The following CBARP variants were observed in gnomAD, a reference collection of about 807,000 sequenced individuals.
The protein encoded by CBARP is CACN subunit beta associated regulatory protein, also known as voltage-dependent calcium channel beta subunit-associated regulatory protein.
In CBARP, 24 loss-of-function variants were observed where a neutral mutation model predicts 36.3. The ratio of observed to expected loss-of-function variants is 0.66; its 90% CI spans 0.48 to 0.93. The LOEUF is 0.93. Among genes scored for constraint, CBARP ranks in the 40% least tolerant of loss-of-function variants. The pLI is 0.00. For missense variants in CBARP, 1,146 were observed against 980.4 expected, an observed-to-expected ratio of 1.17 and a Z score of -2.26; for synonymous variants, 586 against 453.2, an observed-to-expected ratio of 1.29 and a Z score of -3.72.
In CBARP at chr19:1,231,118, C is replaced by T. The variant is rs534213272; in HGVS notation, c.1137G>A (p.Pro379=). The change falls in exon 9 of 10, where the codon CCG becomes CCA. Residue 379 remains proline, a synonymous_variant. Transcript: ENST00000650044. ...AAAAATACCTGCCGAGAGCAGGGGG[C>T]GGGCTGGCCAGAAAGGGGCGGGGGT... ...FPHPRPFLAS[P]PPALGRLEAA... 4.4e-5 allele frequency: 70 copies of T among 1,595,836 alleles called. No homozygotes were observed. The South Asian group carries it at 6.9e-4, about 16-fold the overall frequency.
intron 8 of CBARP, among the ~76,000 whole-genome samples, chr19:1,232,983 G>C (rs2080913544): frequency 6.6e-6 from 1 of 152,354 alleles, no homozygotes; most frequent in South Asian, 2.1e-4. Flanking sequence ...CTGATGGTCT[G>C]CCAGCGGGCG....
At chr19:1,230,327 G>A (rs1296047808) in intron 9 of CBARP, 185 bp from the exon 10 acceptor site, 2 of 986,460 alleles carry the variant, frequency 2.0e-6, no homozygotes. Context: ...CATTGACCCT[G>A]AGCTGTGGCG....
chr19:1,236,223 G>A, intron 1 of CBARP, 102 bp from the exon 2 acceptor site: 1 of 1,328,320 alleles, frequency 7.5e-7, no homozygotes, highest in Non-Finnish European at 9.6e-7. Flanking sequence ...AGCCCACACA[G>A]GGGGCAGTGA....
At chr19:1,233,094 G>A (rs774481905) in intron 8 of CBARP, among the ~76,000 whole-genome samples, 1 of 152,196 alleles carries the variant, frequency 6.6e-6, no homozygotes, top group South Asian at 2.1e-4. Context: ...CACCCTCTGC[G>A]CTCCACAGTG....
Position 1,235,561 on chromosome 19 carries a change from T to C in CBARP, c.250A>G (p.Met84Val), listed in dbSNP as rs772935953. The C allele has an allele frequency of 2.5e-6, 4 of 1,607,846 alleles. No individual in the cohort carries two copies. Among genetic ancestry groups the C allele is most frequent in the Middle Eastern group, 1.6e-4 (1 of 6,064 alleles). The change falls in exon 4 of 10, where the codon ATG (methionine) becomes GTG (valine). Residue 84 changes from methionine (M) to valine (V), a missense_variant. Coordinates refer to ENST00000650044, the MANE Select transcript of CBARP (RefSeq NM_001393918.1). ...GTGGTGGTCTTCTCCGCTTCCTCCATGGCCCTGGGAGAGACGTTGGGAGAG... is the reference window on the plus strand; with the variant it reads ...GTGGTGGTCTTCTCCGCTTCCTCCACGGCCCTGGGAGAGACGTTGGGAGAG... ...WDVHQRLNRA[M>V]EEAEKTTTTY...
intron 3 of CBARP, 58 bp downstream of exon 3, chr19:1,235,721 C>CA (rs2080960100): frequency 1.2e-6 from 2 of 1,603,974 alleles, no homozygotes; most frequent in Non-Finnish European, 1.7e-6. Flanking sequence ...GACCCCCCAC[C>CA]ACCCGATGGC....
At chr19:1,232,914 G>C (rs1438814989) in intron 8 of CBARP, among the ~76,000 whole-genome samples, 2 of 152,226 alleles carry the variant, frequency 1.3e-5, no homozygotes, top group Non-Finnish European at 2.9e-5. Context: ...CACTTACTTC[G>C]TGTTAGAGGA....
At position 1,229,755 on chromosome 19, in the gene CBARP, G is replaced by C; in HGVS notation, c.1542C>G (p.Gly514=). 1 of 1,002,526 alleles carries C rather than the reference G, an allele frequency of 1.0e-6. No individual in the cohort carries two copies. The highest frequency in any genetic ancestry group is 3.5e-5 in the South Asian group (1 of 28,916). The allele number at this position is 1,002,526 out of a possible 1,614,324, so 62.1% of individuals were successfully genotyped here. A position where few individuals can be genotyped will look rare whatever the true frequency, so the allele number is the denominator to read the frequency against. Residue 514 remains glycine (G), a synonymous_variant, in exon 10 of 10, where the codon GGC becomes GGG. Transcript: ENST00000650044. This position sits in a 1 kb window ranked among gnomAD's most constrained non-coding sequence, Gnocchi z 5.1. Reference sequence around the variant, plus strand: ...GCGCGGCAGGTGGCTCGGTGTCGTCGCCTGCGCCGCGGCCCTCGATGCTGG... The same window carrying C: ...GCGCGGCAGGTGGCTCGGTGTCGTCCCCTGCGCCGCGGCCCTCGATGCTGG... ...GYASIEGRGA[G]DDTEPPAAPA... is the part of the protein sequence containing the mutation.
At position 1,234,967 on chromosome 19, in the gene CBARP, G is replaced by A. The variant is rs200022241; in HGVS notation, c.455+34C>T. Reference sequence around the variant, plus strand: ...TCCCGGCGGCCAGGACCTCAGACAGGCCCTGGGGTGCCTCCCAACGCCGCC... The same window carrying A: ...TCCCGGCGGCCAGGACCTCAGACAGACCCTGGGGTGCCTCCCAACGCCGCC... On this transcript the variant is annotated intron_variant, in intron 5 of 9. Transcript: ENST00000650044. 3.1e-4 allele frequency: 490 copies of A among 1,585,958 alleles called. 2 individuals are homozygous for A. The African/African-American group carries it at 5.9e-3, about 19-fold the overall frequency.
Position 1,231,089 on chromosome 19 carries a change from A to G in CBARP, c.1154+12T>C, listed in dbSNP as rs1375223291. 1 of 1,593,350 alleles carries G rather than the reference A, an allele frequency of 6.3e-7. No homozygotes were observed. Among genetic ancestry groups the G allele is most frequent in the South Asian group, 1.1e-5 (1 of 88,922 alleles). On this transcript the variant is annotated intron_variant, in intron 9 of 9. Coordinates refer to ENST00000650044, the MANE Select transcript of CBARP (RefSeq NM_001393918.1). ...AGGTCCACCCCTAGCACCTCCATCT[A>G]CTGAAAAATACCTGCCGAGAGCAGG...
intron 7 of CBARP, 78 bp downstream of exon 7, chr19:1,234,113 T>G: frequency 7.2e-7 from 1 of 1,395,758 alleles, no homozygotes. Flanking sequence ...AGGTTGACCT[T>G]GGTCCTGGAC....
chr19:1,229,018 C>T lies in CBARP; in HGVS notation c.*161G>A, dbSNP rs1278128953. Reference sequence around the variant, plus strand: ...GGCGGCCGGGGCTCTGCGCCTGCGCCCTGAAGCGGCGAGCGCGCCTCCGTC... The same window carrying T: ...GGCGGCCGGGGCTCTGCGCCTGCGCTCTGAAGCGGCGAGCGCGCCTCCGTC... On this transcript the variant is annotated 3_prime_UTR_variant, in exon 10 of 10. Coordinates refer to ENST00000650044, the MANE Select transcript of CBARP (RefSeq NM_001393918.1). The surrounding 1 kb of genome is among the most constrained non-coding windows in gnomAD (Gnocchi z 5.1). The T allele has an allele frequency of 1.3e-5, 2 of 159,102 alleles. No homozygotes were observed. The highest frequency in any genetic ancestry group is 3.9e-4 in the East Asian group (2 of 5,158). The allele number at this position is 159,102 out of a possible 1,614,324, so 9.9% of individuals were successfully genotyped here. A position where few individuals can be genotyped will look rare whatever the true frequency, so the allele number is the denominator to read the frequency against.
chr19:1,230,214 T>A, intron 9 of CBARP, 72 bp from the exon 10 acceptor site: 1 of 994,370 alleles, frequency 1.0e-6, no homozygotes, highest in South Asian at 4.3e-5. Flanking sequence ...ATCCCGCCTC[T>A]GGATCAGGGA....
At position 1,228,548 on chromosome 19, in the gene CBARP, C is replaced by T. The variant is rs1481535634; in HGVS notation, c.*631G>A. 1 of 177,320 alleles carries T rather than the reference C, an allele frequency of 5.6e-6. No homozygotes were observed. Among genetic ancestry groups the T allele is most frequent in the Non-Finnish European group, 1.2e-5 (1 of 82,722 alleles). The allele number at this position is 177,320 out of a possible 1,614,324, so 11.0% of individuals were successfully genotyped here. On this transcript the variant is annotated 3_prime_UTR_variant, in exon 10 of 10. Transcript: ENST00000650044. ...GGCGCGGGAGGGCCGGGGCCGGCTC[C>T]CTCAGGGCCGGCGGCAGCAGCGGTG...
chr19:1,234,158 T>C (rs200987649), intron 7 of CBARP, 33 bp downstream of exon 7: 1 of 1,467,504 alleles, frequency 6.8e-7, no homozygotes, highest in Non-Finnish European at 9.0e-7. Flanking sequence ...TCCCCGGCTG[T>C]GGACACCATG....
chr19:1,235,225 C>A, intron 4 of CBARP, 80 bp from the exon 5 acceptor site: 1 of 1,357,942 alleles, frequency 7.4e-7, no homozygotes, highest in Non-Finnish European at 9.5e-7. Flanking sequence ...CTCCTCCGGG[C>A]GGCCACGGCA....
rs144897702 is a variant in CBARP at position 1,236,062 on chromosome 19, G to A, written c.39C>T (p.Thr13=). 124 of 1,517,124 alleles carry A rather than the reference G, an allele frequency of 8.2e-5. No individual in the cohort carries two copies. The highest frequency in any genetic ancestry group is 1.0e-4 in the Non-Finnish European group (117 of 1,136,448). The allele number at this position is 1,517,124 out of a possible 1,614,324, so 94.0% of individuals were successfully genotyped here. ...PTATMATAAT[T]TTTTTATVAL... ...CTACTGTGGCAGTGGTGGTGGTGGT[G>A]GTGGTGGCGGCTGTGGCCATGGTGG... is the stretch of plus-strand genomic sequence containing the variant. Residue 13 remains threonine (T), a synonymous_variant, in exon 2 of 10, where the codon ACC becomes ACT. Transcript: ENST00000650044.
At position 1,234,051 on chromosome 19, in the gene CBARP, C is replaced by G. The variant is rs891586447; in HGVS notation, c.768+140G>C. On this transcript the variant is annotated intron_variant, in intron 7 of 9. Transcript: ENST00000650044. ...TGTGCGGCCGGCTCCCTCTTTCTCC[C>G]GTGTGCAATGACCCGGCGGGCCAAG... is the stretch of plus-strand genomic sequence containing the variant. 5.8e-6 allele frequency: 6 copies of G among 1,037,890 alleles called. No homozygotes were observed. The South Asian group carries it at 1.1e-4, about 20-fold the overall frequency. 64.3% of individuals were successfully genotyped at this position (1,037,890 alleles called of 1,614,324 possible). A position where few individuals can be genotyped will look rare whatever the true frequency, so the allele number is the denominator to read the frequency against.
rs1391116132 is a variant in CBARP, at chr19:1,229,891, G to A, written c.1406C>T (p.Ser469Leu). 3.8e-5 allele frequency: 40 copies of A among 1,055,632 alleles called. No homozygotes were observed. Among genetic ancestry groups the A allele is most frequent in the Non-Finnish European group, 4.5e-5 (39 of 863,742 alleles). 65.4% of individuals were successfully genotyped at this position (1,055,632 alleles called of 1,614,324 possible). The change falls in exon 10 of 10, where the codon TCG becomes TTG. Residue 469 changes from serine to leucine, a missense_variant. Physicochemically the swap from Ser to Leu is moderately radical, Grantham distance 145 (BLOSUM62 -2). Transcript: ENST00000650044. The surrounding 1 kb of genome is among the most constrained non-coding windows in gnomAD (Gnocchi z 5.1). ...DRDSVRSGDS[S>L]GSGSGGAAPA... is the part of the protein sequence containing the mutation. ...CGCCGCGCCCCCGGAGCCTGAGCCCGAGCTGTCGCCGCTGCGCACCGAGTC... is the reference window on the plus strand; with the variant it reads ...CGCCGCGCCCCCGGAGCCTGAGCCCAAGCTGTCGCCGCTGCGCACCGAGTC...
Sources: gnomAD v4.1 joint callset for allele counts (sites outside exome capture counted in the v4.1 genomes callset) on GRCh38, gnomAD v4.1.1 for gene constraint, Gnocchi (gnomAD v3.1) non-coding constraint, MANE v1.5 for transcripts, NCBI Gene and HGNC (gene_info 2026-07-23, HGNC 2026-07-21) for gene names.